PLCH1: variants seen among roughly 807,000 people sequenced by gnomAD.
PLCH1 encodes phospholipase C eta 1.
A neutral mutation model predicts 126.7 loss-of-function variants in PLCH1; 60 were observed. That is an observed-to-expected ratio of 0.47 (90% CI 0.38 to 0.59). The LOEUF (loss-of-function observed/expected upper bound fraction) is 0.59, where lower values mean the gene tolerates loss of function less well. Ranked by LOEUF, PLCH1 falls within the 20% of genes least tolerant of loss-of-function variation. PLCH1 has a pLI of 0.00. For synonymous variants in PLCH1, 719 were observed against 734.9 expected, an observed-to-expected ratio of 0.98 and a Z score of 0.35; for missense variants, 1,723 against 2,040.0, an observed-to-expected ratio of 0.84 and a Z score of 2.99.
intron 21 of PLCH1, among the ~76,000 whole-genome samples, chr3:155,469,195 G>A (rs899511610): frequency 6.6e-6 from 1 of 152,210 alleles, no homozygotes; most frequent in African/African-American, 2.4e-5. Flanking sequence ...GTTACAGACA[G>A]TGGGCACAGG....
chr3:155,701,689 C>A (rs943522656), intron 2 of PLCH1, among the ~76,000 whole-genome samples: 3 of 152,194 alleles, frequency 2.0e-5, no homozygotes, highest in African/African-American at 7.2e-5. Flanking sequence ...TCAACATGTC[C>A]TGTCCCTTTC....
intron 14 of PLCH1, among the ~76,000 whole-genome samples, chr3:155,500,417 C>T (rs925192692): frequency 4.6e-5 from 7 of 152,250 alleles, no homozygotes; most frequent in African/African-American, 9.6e-5. Flanking sequence ...TCTCTTGTGA[C>T]GGTCTTTGTA....
At chr3:155,668,989 G>T (rs545881565) in intron 2 of PLCH1, among the ~76,000 whole-genome samples, 1 of 152,090 alleles carries the variant, frequency 6.6e-6, no homozygotes, top group Non-Finnish European at 1.5e-5. Flanking sequence ...TGCATAACTG[G>T]GGACATAAAT....
chr3:155,497,532 G>C, intron 14 of PLCH1, 115 bp from the exon 15 acceptor site: 1 of 718,168 alleles, frequency 1.4e-6, no homozygotes, highest in Middle Eastern at 2.5e-4. Context: ...ACCTGCCCCA[G>C]GTCCTAAGGG....
intron 21 of PLCH1, among the ~76,000 whole-genome samples, chr3:155,452,636 C>T (rs539373995): frequency 3.4e-4 from 52 of 152,028 alleles, no homozygotes; most frequent in Admixed American, 1.7e-3. Flanking sequence ...GAAGGAAGTA[C>T]AAGAAGGAAG....
intron 2 of PLCH1, among the ~76,000 whole-genome samples, chr3:155,654,959 G>T (rs1178643871): frequency 4.6e-5 from 7 of 152,046 alleles, no homozygotes; most frequent in Non-Finnish European, 1.0e-4. Context: ...TGCTTCCACT[G>T]CCCTGGCCTC....
At chr3:155,652,343 T>C (rs1190840004) in intron 2 of PLCH1, among the ~76,000 whole-genome samples, 1 of 152,182 alleles carries the variant, frequency 6.6e-6, no homozygotes, top group Non-Finnish European at 1.5e-5. Flanking sequence ...CAGCATCACA[T>C]AGACAGCCAG....
chr3:155,732,910 T>C (rs909436986), intron 1 of PLCH1, among the ~76,000 whole-genome samples: 3 of 150,202 alleles, frequency 2.0e-5, no homozygotes, highest in Non-Finnish European at 4.4e-5. Flanking sequence ...ATCAGTTATG[T>C]TTCTAAACAC....
chr3:155,599,567 A>G (rs1733456036), intron 2 of PLCH1, among the ~76,000 whole-genome samples: 1 of 152,184 alleles, frequency 6.6e-6, no homozygotes, highest in African/African-American at 2.4e-5. Context: ...TATCTGTTCA[A>G]AGGATTGGCT....
At chr3:155,573,638 G>C (rs1729547676) in intron 6 of PLCH1, among the ~76,000 whole-genome samples, 1 of 152,170 alleles carries the variant, frequency 6.6e-6, no homozygotes, top group African/African-American at 2.4e-5. Context: ...AGTTCCAACA[G>C]GGTGAGGATG....
chr3:155,595,917 T>C (rs975959620), intron 3 of PLCH1, among the ~76,000 whole-genome samples: 1 of 152,120 alleles, frequency 6.6e-6, no homozygotes, highest in African/African-American at 2.4e-5. Context: ...CTTTATAATG[T>C]CCCTCACCTT....
intron 20 of PLCH1, 23 bp from the exon 21 acceptor site, chr3:155,488,130 T>TG: frequency 1.3e-6 from 2 of 1,521,222 alleles, no homozygotes; most frequent in Non-Finnish European, 1.8e-6. Context: ...AAGAGAGTCG[T>TG]TTCTTTTTAG....
intron 2 of PLCH1, among the ~76,000 whole-genome samples, chr3:155,657,316 A>G (rs1315662964): frequency 6.6e-6 from 1 of 152,162 alleles, no homozygotes; most frequent in Non-Finnish European, 1.5e-5. Flanking sequence ...CAGACTATAA[A>G]ACAGAAAAGG....
At position 155,469,380 on chromosome 3, in the gene PLCH1, C is replaced by T. The variant is rs377016639; in HGVS notation, c.2938+15976G>A. Among the ~76,000 whole-genome samples the T allele has an allele frequency of 5.3e-5, 8 of 151,924 alleles. No homozygotes were observed. In the East Asian group the frequency reaches 7.7e-4, roughly 15 times the overall value. On this transcript the variant is annotated intron_variant, in intron 21 of 21. Coordinates refer to the PLCH1 transcript ENST00000494598. The stretch of plus-strand genomic sequence containing the variant: ...GCGCTTTTCGGACCGGCCTAAAAAA[C>T]GGTGCACCACGAGATTATATCCCGC...
chr3:155,558,676 G>A (rs1050327037), intron 8 of PLCH1, among the ~76,000 whole-genome samples: 5 of 152,028 alleles, frequency 3.3e-5, no homozygotes, highest in Non-Finnish European at 1.5e-5. Context: ...AGAGTAGGAC[G>A]GTGTGAGATT....
intron 2 of PLCH1, among the ~76,000 whole-genome samples, chr3:155,605,444 T>C (rs982088987): frequency 2.6e-5 from 4 of 152,214 alleles, no homozygotes; most frequent in African/African-American, 9.6e-5. Context: ...AACTTTTGGA[T>C]TGAGTTGCTA....
rs1272746751 is a variant in PLCH1, at chr3:155,526,433, CTCTCTCTCTTTT to C, written c.1363-2441_1363-2430del. Among the ~76,000 whole-genome samples the C allele has an allele frequency of 6.6e-5, 10 of 151,550 alleles. No homozygotes were observed. The East Asian group carries it at 1.9e-3, about 29-fold the overall frequency. On this transcript the variant is annotated intron_variant, in intron 10 of 22. Coordinates refer to ENST00000460012, the MANE Select transcript of PLCH1 (RefSeq NM_014996.4). ...TTCTCTCTCTCTCTTCTGTCTCTCT[CTCTCTCTCTTTT>C]TCTCTCTCTCTTCTCTCTTTCTCTC...
intron 5 of PLCH1, 112 bp downstream of exon 5, chr3:155,585,953 A>G (rs1731304713): frequency 1.2e-6 from 1 of 825,608 alleles, no homozygotes; most frequent in East Asian, 2.5e-5. Context: ...ATAAAACAGT[A>G]CAGAGCACAT....
intron 15 of PLCH1, 148 bp downstream of exon 15, chr3:155,497,171 AG>A: frequency 3.4e-6 from 2 of 591,584 alleles, no homozygotes; most frequent in East Asian, 5.8e-5. Context: ...ACACTATAGC[AG>A]CAGTGAGTTT....
Sources: allele counts gnomAD v4.1 joint callset (sites outside exome capture counted in the v4.1 genomes callset), GRCh38; gene constraint gnomAD v4.1.1; transcripts MANE v1.5; gene names NCBI Gene and HGNC (gene_info 2026-07-23, HGNC 2026-07-21).